CMTM8: variants seen among roughly 807,000 people sequenced by gnomAD.
CMTM8 encodes the protein CKLF like MARVEL transmembrane domain containing 8, also known as CKLF-like MARVEL transmembrane domain-containing protein 8.
A neutral mutation model predicts 18.6 loss-of-function variants in CMTM8; 12 were observed. That is an observed-to-expected ratio of 0.65 (90% CI 0.41 to 1.05). The LOEUF (loss-of-function observed/expected upper bound fraction) is 1.05. CMTM8 is among the 50% of genes least tolerant of loss of function. The pLI is 0.00. For synonymous variants in CMTM8, 87 were observed against 90.6 expected (o/e 0.96, Z 0.23); for missense variants, 217 against 227.2 (o/e 0.95, Z 0.29).
chr3:32,259,277 A>G, intron 1 of CMTM8: 1 of 647,864 alleles, frequency 1.5e-6, no homozygotes, highest in Non-Finnish European at 2.9e-6. Flanking sequence ...TGGAGGCTGG[A>G]GAGCAAAATC....
intron 1 of CMTM8, among the ~76,000 whole-genome samples, chr3:32,309,793 C>G (rs769012080): frequency 1.5e-4 from 23 of 152,208 alleles, no homozygotes; most frequent in Non-Finnish European, 3.1e-4. Flanking sequence ...TTAGCCCTGT[C>G]TGTGCTCTTG....
intron 1 of CMTM8, among the ~76,000 whole-genome samples, chr3:32,291,375 C>T (rs1392136508): frequency 2.0e-5 from 3 of 149,956 alleles, no homozygotes; most frequent in Non-Finnish European, 3.0e-5. Context: ...CTCCTGACCT[C>T]GTGATCCGCC....
intron 1 of CMTM8, among the ~76,000 whole-genome samples, chr3:32,280,521 T>C (rs1042243452): frequency 6.6e-6 from 1 of 152,146 alleles, no homozygotes; most frequent in Non-Finnish European, 1.5e-5. Context: ...ACATAGGCTG[T>C]AACCAAGTAA....
intron 1 of CMTM8, among the ~76,000 whole-genome samples, chr3:32,264,073 A>T (rs1235833966): frequency 6.6e-6 from 1 of 152,126 alleles, no homozygotes; most frequent in African/African-American, 2.4e-5. Flanking sequence ...AGGCAGGCCA[A>T]CATTCAAATT....
At chr3:32,307,945 C>T (rs1333522110) in intron 1 of CMTM8, among the ~76,000 whole-genome samples, 1 of 152,190 alleles carries the variant, frequency 6.6e-6, no homozygotes, top group Non-Finnish European at 1.5e-5. Context: ...GGAAATAAGT[C>T]AGCAAAGGCA....
intron 1 of CMTM8, among the ~76,000 whole-genome samples, chr3:32,321,175 C>T (rs1451553087): frequency 3.3e-5 from 5 of 150,236 alleles, no homozygotes; most frequent in Non-Finnish European, 5.9e-5. Flanking sequence ...TGGGGTGAAG[C>T]GGCGGGGGGG....
At chr3:32,254,626 A>G (rs945506172) in intron 1 of CMTM8, among the ~76,000 whole-genome samples, 5 of 152,110 alleles carry the variant, frequency 3.3e-5, no homozygotes, top group African/African-American at 1.2e-4. Flanking sequence ...ATTAATCATG[A>G]TATATAATTA....
chr3:32,316,611 A>G (rs371311547), intron 1 of CMTM8, among the ~76,000 whole-genome samples: 1 of 152,200 alleles, frequency 6.6e-6, no homozygotes. Flanking sequence ...GTTGAGCTCT[A>G]TGCTACCTGA....
intron 1 of CMTM8, among the ~76,000 whole-genome samples, chr3:32,344,832 C>T (rs1323909099): frequency 6.6e-6 from 1 of 152,092 alleles, no homozygotes; most frequent in Non-Finnish European, 1.5e-5. Context: ...GAGGTCGAGG[C>T]TGCAGTGAGC....
chr3:32,288,785 C>T (rs774318289), intron 1 of CMTM8, among the ~76,000 whole-genome samples: 6 of 152,256 alleles, frequency 3.9e-5, no homozygotes, highest in African/African-American at 9.6e-5. Flanking sequence ...CAGGCGTGAG[C>T]CACTATATCT....
intron 1 of CMTM8, among the ~76,000 whole-genome samples, chr3:32,241,758 TGTTG>T (rs1355110210): frequency 1.3e-5 from 2 of 152,342 alleles, no homozygotes; most frequent in African/African-American, 4.8e-5. Flanking sequence ...CAGCAGCCAG[TGTTG>T]ACCTATGACA....
chr3:32,256,484 G>T (rs1206669951), intron 1 of CMTM8, among the ~76,000 whole-genome samples: 2 of 152,044 alleles, frequency 1.3e-5, no homozygotes. Context: ...CACAGACTTC[G>T]TTACAGCAGA....
At chr3:32,246,988 C>CT (rs1242963156) in intron 1 of CMTM8, among the ~76,000 whole-genome samples, 1 of 152,080 alleles carries the variant, frequency 6.6e-6, no homozygotes, top group African/African-American at 2.4e-5. Flanking sequence ...GTAATCCCAG[C>CT]TACTCTGGAG....
At chr3:32,240,134 A>G (rs1701928949) in intron 1 of CMTM8, among the ~76,000 whole-genome samples, 1 of 152,228 alleles carries the variant, frequency 6.6e-6, no homozygotes, top group Admixed American at 6.5e-5. Context: ...TGGGCACACC[A>G]TCATGGTGCA....
At chr3:32,366,169 G>A (rs1429660304) in intron 2 of CMTM8, among the ~76,000 whole-genome samples, 1 of 152,172 alleles carries the variant, frequency 6.6e-6, no homozygotes, top group Non-Finnish European at 1.5e-5. Context: ...TAAACTGGCA[G>A]AGCCCCCAGT....
intron 1 of CMTM8, among the ~76,000 whole-genome samples, chr3:32,318,564 A>ATT (rs1215037595): frequency 0.018 from 2,240 of 125,256 alleles, 75 homozygotes; most frequent in East Asian, 0.067. Context: ...GTCATTATTA[A>ATT]TTTTTTTTTT....
At chr3:32,298,941 G>GTATATA (rs1163701245) in intron 1 of CMTM8, among the ~76,000 whole-genome samples, 1 of 125,024 alleles carries the variant, frequency 8.0e-6, no homozygotes, top group Non-Finnish European at 1.7e-5. Flanking sequence ...ATATATATAT[G>GTATATA]TATATATATA....
In CMTM8 at chr3:32,239,129, G is replaced by C. The variant is rs892983600; in HGVS notation, c.147+10G>C. The C allele has an allele frequency of 6.3e-7, 1 of 1,590,974 alleles. No homozygotes were observed. The highest frequency in any genetic ancestry group is 1.1e-5 in the South Asian group (1 of 87,190). Reference sequence around the variant, plus strand: ...CATCGTGGCCGAGATCGTGAGTGCCGACGGGCCGGGGGTGGCGGGGGGCTC... The same window carrying C: ...CATCGTGGCCGAGATCGTGAGTGCCCACGGGCCGGGGGTGGCGGGGGGCTC... On this transcript the variant is annotated intron_variant, in intron 1 of 3. Transcript: ENST00000307526.
intron 1 of CMTM8, among the ~76,000 whole-genome samples, chr3:32,252,111 T>G (rs1279250268): frequency 6.6e-6 from 1 of 152,116 alleles, no homozygotes; most frequent in Non-Finnish European, 1.5e-5. Context: ...TAAAAAAAAT[T>G]TACCGTCTTA....
Sources: allele counts gnomAD v4.1 joint callset (sites outside exome capture counted in the v4.1 genomes callset), GRCh38; gene constraint gnomAD v4.1.1; transcripts MANE v1.5; gene names NCBI Gene and HGNC (gene_info 2026-07-23, HGNC 2026-07-21).